TRMT11: variants seen among roughly 807,000 people sequenced by gnomAD.
TRMT11 encodes tRNA methyltransferase 11, also known as tRNA (guanine(10)-N(2))-methyltransferase TRMT11.
In TRMT11, 53 loss-of-function variants were observed where a neutral mutation model predicts 62.8. The observed-to-expected ratio is 0.84, with a 90% CI of 0.68 to 1.06. The LOEUF (loss-of-function observed/expected upper bound fraction) is 1.06. Among genes scored for constraint, TRMT11 ranks in the 50% least tolerant of loss-of-function variants. The pLI is 0.00. For synonymous variants in TRMT11, 188 were observed against 190.3 expected, an observed-to-expected ratio of 0.99 and a Z score of 0.10; for missense variants, 556 against 553.4, an observed-to-expected ratio of 1.00 and a Z score of -0.05.
chr6:126,231,633 G>A, the TRMT11 span, among the ~76,000 whole-genome samples: 2 of 152,154 alleles, frequency 1.3e-5, no homozygotes, highest in South Asian at 2.1e-4. Context: ...TTGGAAACAA[G>A]CACATGAGAA....
At chr6:126,048,774 C>T (rs1228295949) in intron 16 of TRMT11, among the ~76,000 whole-genome samples, 1 of 152,208 alleles carries the variant, frequency 6.6e-6, no homozygotes, top group African/African-American at 2.4e-5. Context: ...GAACACACTG[C>T]ATGGGGTGTT....
chr6:126,174,577 G>A (rs932743887), upstream of TRMT11, among the ~76,000 whole-genome samples: 6 of 152,122 alleles, frequency 3.9e-5, no homozygotes, highest in African/African-American at 1.2e-4. Flanking sequence ...AACAAACAGA[G>A]GTGTTTATTC....
intron 17 of TRMT11, among the ~76,000 whole-genome samples, chr6:126,064,663 G>A (rs1485566086): frequency 1.3e-5 from 2 of 151,358 alleles, no homozygotes; most frequent in Non-Finnish European, 2.9e-5. Flanking sequence ...AAACCATAAA[G>A]TGCAAATACC....
chr6:126,150,722 C>T (rs1778029037), intron 21 of TRMT11, among the ~76,000 whole-genome samples: 1 of 152,226 alleles, frequency 6.6e-6, no homozygotes. Context: ...ATTAGTGTTT[C>T]AGCGGCCATT....
intron 17 of TRMT11, among the ~76,000 whole-genome samples, chr6:126,064,860 G>C: frequency 6.6e-6 from 1 of 152,180 alleles, no homozygotes; most frequent in Non-Finnish European, 1.5e-5. Flanking sequence ...TTAATCATTT[G>C]TTTAGCAGCC....
At chr6:126,093,793 A>G (rs181491905) in intron 17 of TRMT11, among the ~76,000 whole-genome samples, 1 of 151,328 alleles carries the variant, frequency 6.6e-6, no homozygotes, top group East Asian at 1.9e-4. Flanking sequence ...TAGTACATGT[A>G]TACACTCTAA....
At chr6:126,151,788 C>A (rs1372994820) in intron 21 of TRMT11, among the ~76,000 whole-genome samples, 1 of 130,420 alleles carries the variant, frequency 7.7e-6, no homozygotes, top group Non-Finnish European at 1.6e-5. Flanking sequence ...CCTTTTCCTT[C>A]CTTCCTTCCT....
the TRMT11 span, among the ~76,000 whole-genome samples, chr6:126,229,267 T>TTTATA: frequency 1.3e-5 from 2 of 152,196 alleles, no homozygotes; most frequent in African/African-American, 4.8e-5. Flanking sequence ...AGGTGACACA[T>TTTATA]TTATATTATT....
At chr6:126,264,951 G>C in the TRMT11 span, among the ~76,000 whole-genome samples, 3 of 152,236 alleles carry the variant, frequency 2.0e-5, no homozygotes, top group East Asian at 5.8e-4. Context: ...GGAGAACATA[G>C]ATGAATACAG....
chr6:126,220,677 CTT>C, the TRMT11 span, among the ~76,000 whole-genome samples: 2 of 152,120 alleles, frequency 1.3e-5, no homozygotes, highest in Admixed American at 6.5e-5. Flanking sequence ...TAATTGAACA[CTT>C]TACATAAAAG....
chr6:126,164,901 C>G (rs1019569268), intron 21 of TRMT11, among the ~76,000 whole-genome samples: 1 of 152,138 alleles, frequency 6.6e-6, no homozygotes, highest in South Asian at 2.1e-4. Flanking sequence ...CTCCTGAATA[C>G]AGCACACTGA....
downstream of TRMT11, among the ~76,000 whole-genome samples, chr6:126,207,312 G>T (rs1238346375): frequency 2.0e-5 from 3 of 152,154 alleles, no homozygotes; most frequent in African/African-American, 7.2e-5. Flanking sequence ...CATGGAGCTG[G>T]TAGAAGACAA....
chr6:126,082,414 G>A (rs1350288180), intron 17 of TRMT11, among the ~76,000 whole-genome samples: 3 of 152,006 alleles, frequency 2.0e-5, no homozygotes, highest in Non-Finnish European at 4.4e-5. Context: ...ATATACATGT[G>A]TAATAATGTA....
At chr6:126,099,904 C>T (rs1165232054) in intron 17 of TRMT11, among the ~76,000 whole-genome samples, 3 of 152,102 alleles carry the variant, frequency 2.0e-5, no homozygotes, top group Non-Finnish European at 4.4e-5. Flanking sequence ...AAGAGCTGGG[C>T]ACCTGCACCA....
intron 21 of TRMT11, among the ~76,000 whole-genome samples, chr6:126,166,062 GCTTGATCGATTTGGCTATTCATA>G (rs1242921440): frequency 2.0e-4 from 31 of 151,446 alleles, no homozygotes; most frequent in Non-Finnish European, 4.4e-5. Flanking sequence ...CCTTTCTTCC[GCTTGATCGATTTGGCTATTCATA>G]CTTGTGTAAG....
chr6:126,231,027 T>A, the TRMT11 span, among the ~76,000 whole-genome samples: 1 of 152,232 alleles, frequency 6.6e-6, no homozygotes, highest in African/African-American at 2.4e-5. Flanking sequence ...CATGACTATG[T>A]GATCTTTCTT....
At chr6:126,071,802 A>G (rs1776867118) in intron 17 of TRMT11, among the ~76,000 whole-genome samples, 1 of 152,052 alleles carries the variant, frequency 6.6e-6, no homozygotes, top group Non-Finnish European at 1.5e-5. Flanking sequence ...CTCAGCTAAA[A>G]TCTCCTCCAT....
chr6:126,093,612 TATATA>T (rs1777302943), intron 17 of TRMT11, among the ~76,000 whole-genome samples: 3 of 93,978 alleles, frequency 3.2e-5, no homozygotes, highest in African/African-American at 1.9e-4. Context: ...TATATATATA[TATATA>T]TATATATATA....
At chr6:126,003,405 G>A (rs959372665) in intron 7 of TRMT11, among the ~76,000 whole-genome samples, 2 of 152,086 alleles carry the variant, frequency 1.3e-5, no homozygotes, top group Admixed American at 6.6e-5. Context: ...ATTCTTACAA[G>A]TAGGATTTCT....
Sources: gnomAD v4.1 joint callset for allele counts (sites outside exome capture counted in the v4.1 genomes callset) on GRCh38, gnomAD v4.1.1 for gene constraint, MANE v1.5 for transcripts, NCBI Gene and HGNC (gene_info 2026-07-23, HGNC 2026-07-21) for gene names.